TDP1: variants seen among roughly 807,000 people sequenced by gnomAD.
The protein encoded by TDP1 is tyrosyl-DNA phosphodiesterase 1, also known as tyr-DNA phosphodiesterase 1.
Under a neutral mutation model 81.5 loss-of-function variants are expected in TDP1, and 64 were observed. That is an observed-to-expected ratio of 0.79 (90% CI 0.64 to 0.97). TDP1 has a LOEUF of 0.97. Ranked by LOEUF, TDP1 falls within the 50% of genes least tolerant of loss-of-function variation. The pLI is 0.00. For synonymous variants in TDP1, 256 were observed against 264.3 expected, an observed-to-expected ratio of 0.97 and a Z score of 0.30; for missense variants, 723 against 743.8, an observed-to-expected ratio of 0.97 and a Z score of 0.33.
intron 16 of TDP1, among the ~76,000 whole-genome samples, chr14:90,036,296 T>C (rs948668119): frequency 2.0e-5 from 3 of 152,224 alleles, no homozygotes; most frequent in African/African-American, 4.8e-5. Flanking sequence ...CCAGTTCATA[T>C]ATAGCCAACA....
chr14:89,968,696 G>C (rs900843495), intron 5 of TDP1, among the ~76,000 whole-genome samples: 1 of 152,204 alleles, frequency 6.6e-6, no homozygotes, highest in Admixed American at 6.5e-5. Context: ...GCTCCTCCTC[G>C]CAGTAGTATC....
Position 90,033,203 on chromosome 14 carries a change from A to C in TDP1, c.1742A>C (p.Tyr581Ser), listed in dbSNP as rs769630346. 6.3e-7 allele frequency: 1 copy of C among 1,596,974 alleles called. No homozygotes were observed. The highest frequency in any genetic ancestry group is 2.2e-5 in the East Asian group (1 of 44,802). The change falls in exon 16 of 17, where the codon TAT becomes TCT. Residue 581 changes from tyrosine to serine, a missense_variant. Transcript: ENST00000335725. ...PVPYDLPPELYGSKDRPWIWN... is the reference protein window; with the variant it reads ...PVPYDLPPELSGSKDRPWIWN... ...CCATATGATTTGCCTCCAGAACTGT[A>C]TGGAAGTAAAGGTGAGACACAGATA...
chr14:90,032,065 C>G (rs1370154894), intron 15 of TDP1, among the ~76,000 whole-genome samples: 2 of 152,192 alleles, frequency 1.3e-5, no homozygotes, highest in African/African-American at 4.8e-5. Flanking sequence ...ACACTCAGTG[C>G]CTGGCACCAT....
At chr14:89,985,843 G>A (rs1338391591) in intron 10 of TDP1, among the ~76,000 whole-genome samples, 3 of 151,996 alleles carry the variant, frequency 2.0e-5, no homozygotes, top group Non-Finnish European at 4.4e-5. Flanking sequence ...CCTGGCCAAC[G>A]TGGTGAAACC....
intron 15 of TDP1, among the ~76,000 whole-genome samples, chr14:90,027,298 T>A (rs1886778943): frequency 6.6e-6 from 1 of 152,016 alleles, no homozygotes; most frequent in Non-Finnish European, 1.5e-5. Context: ...GACCCTTCCC[T>A]CCCTGTTTTC....
chr14:89,980,530 G>A lies in TDP1; in HGVS notation c.792-10G>A, dbSNP rs1894848202. Reference sequence around the variant, plus strand: ...TATTAATGCTTTTTGATCCTTTGCTGTTTTTAAAGGAAAATGATGCTGCTG... The same window carrying A: ...TATTAATGCTTTTTGATCCTTTGCTATTTTTAAAGGAAAATGATGCTGCTG... On this transcript the variant is annotated splice_polypyrimidine_tract_variant and intron_variant, in intron 7 of 16. Transcript: ENST00000335725. 1 of 1,611,926 alleles carries A rather than the reference G, an allele frequency of 6.2e-7. No individual in the cohort carries two copies.
At chr14:89,973,884 T>C (rs1893948057) in intron 6 of TDP1, among the ~76,000 whole-genome samples, 1 of 152,128 alleles carries the variant, frequency 6.6e-6, no homozygotes, top group Non-Finnish European at 1.5e-5. Context: ...TGCCAGCTTA[T>C]AGATGGCCAC....
In TDP1 at chr14:89,985,140, T is replaced by G. The variant is rs1267755234; in HGVS notation, c.1061T>G (p.Leu354Arg). ...KHDLSETNVY[L>R]IGSTPGRFQG... ...TTTTTATGTCTTTTTAGTGTTTATC[T>G]TATTGGTTCAACCCCAGGACGCTTT... is the stretch of plus-strand genomic sequence containing the variant. The change falls in exon 10 of 17, where the codon CTT (leucine) becomes CGT (arginine). Residue 354 changes from leucine to arginine, a missense_variant. Coordinates refer to ENST00000335725, the MANE Select transcript of TDP1 (RefSeq NM_018319.4). The G allele has an allele frequency of 6.2e-7, 1 of 1,610,326 alleles. No homozygotes were observed. The highest frequency in any genetic ancestry group is 1.3e-5 in the African/African-American group (1 of 74,826).
chr14:90,032,906 C>A, intron 15 of TDP1, 200 bp from the exon 16 acceptor site: 1 of 965,732 alleles, frequency 1.0e-6, no homozygotes, highest in Non-Finnish European at 1.2e-6. Context: ...AAAATTAAAG[C>A]TCTTATGTTT....
intron 14 of TDP1, among the ~76,000 whole-genome samples, chr14:90,018,445 T>C (rs1885574903): frequency 6.6e-6 from 1 of 152,172 alleles, no homozygotes; most frequent in African/African-American, 2.4e-5. Flanking sequence ...CAGTCTCCTT[T>C]GTCCTGCTGC....
At chr14:89,980,304 T>A in intron 7 of TDP1, 2 of 985,394 alleles carry the variant, frequency 2.0e-6, no homozygotes, top group South Asian at 9.4e-5. Context: ...GGACTGGCAC[T>A]AGGGTTGAAA....
intron 11 of TDP1, 35 bp downstream of exon 11, chr14:89,989,125 T>C (rs774193724): frequency 6.3e-7 from 1 of 1,590,604 alleles, no homozygotes; most frequent in Non-Finnish European, 8.6e-7. Context: ...AGTTTACTTT[T>C]ATTCTCTACA....
intron 14 of TDP1, among the ~76,000 whole-genome samples, chr14:90,018,060 C>A (rs963988626): frequency 2.0e-5 from 3 of 146,816 alleles, no homozygotes; most frequent in Admixed American, 1.3e-4. Context: ...TCCCATAGAA[C>A]CCTTAACAAA....
chr14:90,034,186 C>T (rs762152119), intron 16 of TDP1, among the ~76,000 whole-genome samples: 7 of 152,240 alleles, frequency 4.6e-5, no homozygotes, highest in Non-Finnish European at 1.0e-4. Context: ...CCTGAATTCT[C>T]ATTGCTGTGT....
At chr14:90,039,804 A>G (rs754573750) in intron 16 of TDP1, among the ~76,000 whole-genome samples, 1 of 152,190 alleles carries the variant, frequency 6.6e-6, no homozygotes, top group Non-Finnish European at 1.5e-5. Flanking sequence ...TGTACTAGGA[A>G]CTCATATGAG....
chr14:89,980,809 T>A, intron 8 of TDP1, 177 bp downstream of exon 8: 1 of 621,922 alleles, frequency 1.6e-6, no homozygotes, highest in East Asian at 2.9e-5. Flanking sequence ...CCTGCCCCAT[T>A]CTACCTTCTT....
chr14:90,037,460 CA>C (rs747835075), intron 16 of TDP1, among the ~76,000 whole-genome samples: 34 of 152,174 alleles, frequency 2.2e-4, no homozygotes, highest in Non-Finnish European at 4.7e-4. Flanking sequence ...GAGGTTGTTT[CA>C]TTTTTATTAT....
chr14:90,017,196 C>T (rs1011010827), intron 14 of TDP1, among the ~76,000 whole-genome samples: 2 of 151,934 alleles, frequency 1.3e-5, no homozygotes, highest in African/African-American at 4.8e-5. Context: ...TTTTGCTGTA[C>T]ATGACGGGCG....
At chr14:89,995,581 C>G (rs1896592647) in intron 14 of TDP1, among the ~76,000 whole-genome samples, 1 of 152,240 alleles carries the variant, frequency 6.6e-6, no homozygotes, top group African/African-American at 2.4e-5. Context: ...ATAGAACCCA[C>G]TCTCTCAGCC....
Sources: gnomAD v4.1 joint callset for allele counts (sites outside exome capture counted in the v4.1 genomes callset) on GRCh38, gnomAD v4.1.1 for gene constraint, MANE v1.5 for transcripts, NCBI Gene and HGNC (gene_info 2026-07-23, HGNC 2026-07-21) for gene names.